The following SYN2 variants were observed in gnomAD, a reference collection of about 807,000 sequenced individuals.
The protein encoded by SYN2 is synapsin II.
A neutral mutation model predicts 50.9 loss-of-function variants in SYN2; 19 were observed. The observed-to-expected ratio is 0.37, with a 90% confidence interval of 0.26 to 0.55. The LOEUF is 0.55. Ranked by LOEUF, SYN2 falls within the 20% of genes least tolerant of loss-of-function variation. The probability of loss-of-function intolerance (pLI) is 0.81; values close to 1 mark genes in which losing one functional copy is unlikely to be tolerated. For synonymous variants in SYN2, 255 were observed against 224.9 expected (o/e 1.13, Z -1.20); for missense variants, 587 against 576.4 (o/e 1.02, Z -0.19).
rs531316602 is a variant in SYN2, at chr3:12,022,661, G to A, written c.377+17733G>A. Among the ~76,000 whole-genome samples the A allele has an allele frequency of 3.7e-4, 57 of 152,156 alleles. No individual in the cohort carries two copies. The South Asian group carries it at 0.012, about 31-fold the overall frequency. On this transcript the variant is annotated intron_variant, in intron 1 of 12. Coordinates refer to ENST00000621198, the MANE Select transcript of SYN2 (RefSeq NM_133625.6). ...TTGACCTCGTGATCTACCTGCCTCA[G>A]CCTCCCAAAATGCTGGGATTACAGG...
intron 1 of SYN2, among the ~76,000 whole-genome samples, chr3:12,134,053 T>C (rs1303519250): frequency 1.3e-5 from 2 of 152,210 alleles, no homozygotes; most frequent in African/African-American, 4.8e-5. Flanking sequence ...ACATTGTGAA[T>C]ACCATTGAAG....
chr3:12,030,532 A>G (rs1327356355), intron 1 of SYN2, among the ~76,000 whole-genome samples: 1 of 151,372 alleles, frequency 6.6e-6, no homozygotes, highest in East Asian at 1.9e-4. Flanking sequence ...TTGGTAAACT[A>G]TTGATTATTG....
intron 1 of SYN2, among the ~76,000 whole-genome samples, chr3:12,124,371 T>G (rs935183561): frequency 2.0e-5 from 3 of 152,148 alleles, no homozygotes; most frequent in African/African-American, 7.2e-5. Context: ...AGCTACTGAT[T>G]AAAGTTATGT....
At chr3:12,105,864 C>A (rs1363646981) in intron 1 of SYN2, among the ~76,000 whole-genome samples, 2 of 152,086 alleles carry the variant, frequency 1.3e-5, no homozygotes, top group African/African-American at 4.8e-5. Context: ...TTAGTAGACA[C>A]TATAAACTCA....
intron 1 of SYN2, among the ~76,000 whole-genome samples, chr3:12,103,929 G>A (rs307557): frequency 0.93 from 142,197 of 152,272 alleles, 66,485 homozygotes; most frequent in East Asian, 1. Context: ...ATTGTCAAAT[G>A]GAATTTTAAA....
At chr3:12,022,300 G>T (rs917261800) in intron 1 of SYN2, among the ~76,000 whole-genome samples, 2 of 151,970 alleles carry the variant, frequency 1.3e-5, no homozygotes, top group African/African-American at 4.8e-5. Context: ...TATCACTTCC[G>T]CATCTTCTTA....
rs541277708 is a variant in SYN2, at chr3:12,156,837, T to C, written c.775-4709T>C. The C allele has an allele frequency of 6.2e-5, 100 of 1,614,170 alleles. No individual in the cohort carries two copies. The South Asian group carries it at 1.0e-3, about 17-fold the overall frequency. ...TAACTTACCAGTCAAGAGATACTGCTTCTGGCTGTTGGCTTCTAGTTTCAC... is the reference window on the plus strand; with the variant it reads ...TAACTTACCAGTCAAGAGATACTGCCTCTGGCTGTTGGCTTCTAGTTTCAC... On this transcript the variant is annotated intron_variant, in intron 5 of 12. Transcript: ENST00000621198.
At chr3:12,092,196 A>C (rs1695844645) in intron 1 of SYN2, among the ~76,000 whole-genome samples, 1 of 152,210 alleles carries the variant, frequency 6.6e-6, no homozygotes, top group South Asian at 2.1e-4. Context: ...GTGAGGAAAT[A>C]ATGGAAAATA....
chr3:12,149,418 G>T (rs1697226292), intron 4 of SYN2, among the ~76,000 whole-genome samples: 1 of 152,220 alleles, frequency 6.6e-6, no homozygotes, highest in African/African-American at 2.4e-5. Context: ...GGCAGGAAAG[G>T]TCTGAGGGTT....
intron 1 of SYN2, among the ~76,000 whole-genome samples, chr3:12,107,565 G>A (rs1696221359): frequency 6.6e-6 from 1 of 152,200 alleles, no homozygotes; most frequent in Middle Eastern, 3.4e-3. Flanking sequence ...ATTCCCATCC[G>A]AGATGACTCA....
At chr3:12,025,139 C>A (rs1417952937) in intron 1 of SYN2, among the ~76,000 whole-genome samples, 1 of 152,098 alleles carries the variant, frequency 6.6e-6, no homozygotes, top group Non-Finnish European at 1.5e-5. Flanking sequence ...GTCTCTTCAT[C>A]CCTTTATAAG....
chr3:12,161,578 G>C lies in SYN2; in HGVS notation c.807G>C (p.Lys269Asn). ...TGCCCACGTTCCCTGTGGTGGTGAAGATTGGCCACGCTCACTCAGGCATGG... is the reference window on the plus strand; with the variant it reads ...TGCCCACGTTCCCTGTGGTGGTGAACATTGGCCACGCTCACTCAGGCATGG... ...LTLPTFPVVV[K>N]IGHAHSGMGK... Residue 269 changes from lysine to asparagine, a missense_variant, in exon 6 of 13, where the codon AAG becomes AAC. Coordinates refer to ENST00000621198, the MANE Select transcript of SYN2 (RefSeq NM_133625.6). 1 of 1,614,038 alleles carries C rather than the reference G, an allele frequency of 6.2e-7. No individual in the cohort carries two copies. The highest frequency in any genetic ancestry group is 8.5e-7 in the Non-Finnish European group (1 of 1,179,896).
chr3:12,140,228 A>G (rs1276509491), intron 1 of SYN2, among the ~76,000 whole-genome samples: 1 of 152,266 alleles, frequency 6.6e-6, no homozygotes, highest in East Asian at 1.9e-4. Flanking sequence ...TGATAATAAC[A>G]GTTTCTTTAA....
chr3:12,028,471 A>G (rs945091371), intron 1 of SYN2, among the ~76,000 whole-genome samples: 1 of 148,982 alleles, frequency 6.7e-6, no homozygotes, highest in African/African-American at 2.5e-5. Flanking sequence ...ACAATGGTTG[A>G]ACTAGTTTAC....
At chr3:12,160,507 GA>G (rs1302713367) in intron 5 of SYN2, among the ~76,000 whole-genome samples, 2 of 152,178 alleles carry the variant, frequency 1.3e-5, no homozygotes, top group African/African-American at 2.4e-5. Flanking sequence ...AGTGATATTT[GA>G]AAAGAAGGGA....
Position 12,187,536 on chromosome 3 carries a change from A to G in SYN2, c.1537A>G (p.Ser513Gly). ...CACCACCCACGGAGATGCACCCTCCAGCAGCAGCTCCCTGGCAGAGGCCCA... is the reference window on the plus strand; with the variant it reads ...CACCACCCACGGAGATGCACCCTCCGGCAGCAGCTCCCTGGCAGAGGCCCA... ...GPTTHGDAPS[S>G]SSSLAEAQPP... The change falls in exon 12 of 13, where the codon AGC (serine) becomes GGC (glycine). Residue 513 changes from serine to glycine, a missense_variant. Ser to Gly is a moderately conservative substitution (Grantham distance 56, BLOSUM62 0). Coordinates refer to ENST00000621198, the MANE Select transcript of SYN2 (RefSeq NM_133625.6). 1.3e-6 allele frequency: 2 copies of G among 1,552,190 alleles called. No individual in the cohort carries two copies. The highest frequency in any genetic ancestry group is 1.2e-5 in the South Asian group (1 of 84,078).
At chr3:12,015,123 C>T (rs1220074836) in intron 1 of SYN2, among the ~76,000 whole-genome samples, 1 of 152,198 alleles carries the variant, frequency 6.6e-6, no homozygotes, top group Admixed American at 6.5e-5. Flanking sequence ...ATTTGTACTA[C>T]TTGTGCTTCC....
intron 1 of SYN2, among the ~76,000 whole-genome samples, chr3:12,105,702 AACACAGGCAGTTCCAGGAG>A (rs1477600606): frequency 3.3e-5 from 5 of 151,946 alleles, no homozygotes; most frequent in Non-Finnish European, 5.9e-5. Context: ...ATTTCAGGAG[AACACAGGCAGTTCCAGGAG>A]ACACAGGCAG....
chr3:12,149,646 T>C (rs1360940296), intron 4 of SYN2, among the ~76,000 whole-genome samples: 1 of 152,148 alleles, frequency 6.6e-6, no homozygotes, highest in Non-Finnish European at 1.5e-5. Flanking sequence ...TAAAGTCCCT[T>C]TTGACAATGG....
Sources: allele counts gnomAD v4.1 joint callset (sites outside exome capture counted in the v4.1 genomes callset), GRCh38; gene constraint gnomAD v4.1.1; transcripts MANE v1.5; gene names NCBI Gene and HGNC (gene_info 2026-07-23, HGNC 2026-07-21).